The following AGPS variants were observed in gnomAD, a reference collection of about 807,000 sequenced individuals.
AGPS encodes alkylglycerone phosphate synthase.
A neutral mutation model predicts 90.7 loss-of-function variants in AGPS; 26 were observed. The observed-to-expected ratio is 0.29, with a 90% CI of 0.21 to 0.40. AGPS has a LOEUF of 0.40. Among genes scored for constraint, AGPS ranks in the 10% least tolerant of loss-of-function variants. The pLI is 1.00. For synonymous variants in AGPS, 294 were observed against 285.3 expected (o/e 1.03, Z -0.31); for missense variants, 540 against 816.1 (o/e 0.66, Z 4.12).
At chr2:177,438,324 C>T (rs547969436) in intron 5 of AGPS, among the ~76,000 whole-genome samples, 5 of 152,206 alleles carry the variant, frequency 3.3e-5, no homozygotes, top group African/African-American at 9.6e-5. Flanking sequence ...AGAATGATGA[C>T]GCAGGAGGAT....
chr2:177,419,285 C>T (rs376518147), intron 1 of AGPS, among the ~76,000 whole-genome samples: 10 of 151,818 alleles, frequency 6.6e-5, no homozygotes, highest in Admixed American at 2.6e-4. Context: ...CTTTCTAATG[C>T]GTGCATCTTT....
intron 8 of AGPS, among the ~76,000 whole-genome samples, chr2:177,448,642 T>G (rs1269132149): frequency 6.6e-6 from 1 of 152,182 alleles, no homozygotes; most frequent in African/African-American, 2.4e-5. Flanking sequence ...TTTGAAGTCA[T>G]AGATTTTTGT....
At chr2:177,489,013 TG>T (rs764854632) in intron 11 of AGPS, among the ~76,000 whole-genome samples, 7 of 152,190 alleles carry the variant, frequency 4.6e-5, no homozygotes, top group Non-Finnish European at 7.3e-5. Context: ...TTGCAAGTTC[TG>T]ATTTTTTCTG....
intron 1 of AGPS, chr2:177,393,270 G>A: frequency 1.0e-6 from 1 of 985,434 alleles, no homozygotes; most frequent in South Asian, 4.7e-5. Context: ...CACTATGTGA[G>A]GGTAACAGGC....
intron 3 of AGPS, among the ~76,000 whole-genome samples, chr2:177,436,444 C>T (rs1686415193): frequency 6.6e-6 from 1 of 152,064 alleles, no homozygotes; most frequent in African/African-American, 2.4e-5. Flanking sequence ...GCCACTGCAC[C>T]CGGCCAGAAA....
At chr2:177,424,497 G>A (rs1158524632) in intron 2 of AGPS, among the ~76,000 whole-genome samples, 1 of 151,678 alleles carries the variant, frequency 6.6e-6, no homozygotes. Context: ...GTATGCCTCT[G>A]AATAGTAATT....
intron 2 of AGPS, among the ~76,000 whole-genome samples, chr2:177,425,578 G>A (rs529072548): frequency 2.3e-5 from 3 of 131,824 alleles, no homozygotes; most frequent in South Asian, 2.5e-4. Flanking sequence ...CCAAGATCAC[G>A]CCATTGCACT....
At chr2:177,462,120 G>T (rs551281908) in intron 9 of AGPS, 102 bp downstream of exon 9, 1 of 1,007,550 alleles carries the variant, frequency 9.9e-7, no homozygotes, top group Non-Finnish European at 1.4e-6. Flanking sequence ...CCTGGGCGCG[G>T]TGGCCAATGC....
chr2:177,392,988 G>T lies in AGPS; in HGVS notation c.199G>T (p.Ala67Ser). Reference protein sequence around the residue: ...ECKARRAASAATAAPTATPAA... With the variant: ...ECKARRAASASTAAPTATPAA... ...CAAAGCGCGGAGAGCCGCGTCGGCG[G>T]CCACGGCAGCGCCCACGGCCACTCC... Residue 67 changes from alanine to serine, a missense_variant, in exon 1 of 20, where the codon GCC becomes TCC. This residue lies in a region of AGPS where 135 missense variants were observed against 124.0 expected (regional missense o/e 1.09). Transcript: ENST00000264167. The T allele has an allele frequency of 6.5e-7, 1 of 1,550,070 alleles. No individual in the cohort carries two copies. Among genetic ancestry groups the T allele is most frequent in the Non-Finnish European group, 8.7e-7 (1 of 1,146,636 alleles).
At chr2:177,445,934 T>C (rs1686756111) in intron 8 of AGPS, among the ~76,000 whole-genome samples, 1 of 152,162 alleles carries the variant, frequency 6.6e-6, no homozygotes, top group Non-Finnish European at 1.5e-5. Context: ...AAATGCAGGG[T>C]ATTATGGATC....
chr2:177,470,116 A>C (rs1044215564), intron 10 of AGPS, among the ~76,000 whole-genome samples: 2 of 152,106 alleles, frequency 1.3e-5, no homozygotes. Context: ...CTGCAGAGTG[A>C]CCATCATGTT....
intron 19 of AGPS, among the ~76,000 whole-genome samples, chr2:177,533,666 A>G (rs1457771704): frequency 1.3e-5 from 2 of 152,194 alleles, no homozygotes; most frequent in Non-Finnish European, 2.9e-5. Flanking sequence ...TTGTTACAGA[A>G]TACTTTTATA....
At chr2:177,482,212 C>A in intron 11 of AGPS, 26 bp downstream of exon 11, 1 of 1,153,982 alleles carries the variant, frequency 8.7e-7, no homozygotes, top group Non-Finnish European at 1.2e-6. Flanking sequence ...TATATATATA[C>A]ATACATACAT....
At chr2:177,430,507 C>T (rs1228545199) in intron 2 of AGPS, among the ~76,000 whole-genome samples, 2 of 152,048 alleles carry the variant, frequency 1.3e-5, no homozygotes, top group Admixed American at 1.3e-4. Context: ...GAGGGGATCT[C>T]CTGATCCACA....
chr2:177,437,736 A>G (rs1686457183), intron 5 of AGPS, among the ~76,000 whole-genome samples: 1 of 152,088 alleles, frequency 6.6e-6, no homozygotes, highest in Non-Finnish European at 1.5e-5. Context: ...TTCTCTTCAG[A>G]TCTTCCTTTT....
rs1472817361 is a variant in AGPS at position 177,538,293 on chromosome 2, T to A, written c.*98T>A. The A allele has an allele frequency of 7.7e-7, 1 of 1,304,590 alleles. No homozygotes were observed. Among genetic ancestry groups the A allele is most frequent in the Non-Finnish European group, 1.1e-6 (1 of 923,784 alleles). The allele number at this position is 1,304,590 out of a possible 1,614,324, so 80.8% of individuals were successfully genotyped here. On this transcript the variant is annotated 3_prime_UTR_variant, in exon 20 of 20. Coordinates refer to ENST00000264167, the MANE Select transcript of AGPS (RefSeq NM_003659.4). ...AATATATCATGGACTATATTTTGGA[T>A]ACATTTGTTTCTTTGGTTTAAAATA...
chr2:177,524,162 A>G (rs1052473741), intron 19 of AGPS, among the ~76,000 whole-genome samples: 3 of 152,220 alleles, frequency 2.0e-5, no homozygotes, highest in Non-Finnish European at 2.9e-5. Flanking sequence ...TTCAGCCACT[A>G]TCGGAATGTA....
intron 9 of AGPS, among the ~76,000 whole-genome samples, chr2:177,462,940 G>T (rs1057013336): frequency 6.6e-6 from 1 of 152,158 alleles, no homozygotes; most frequent in Non-Finnish European, 1.5e-5. Flanking sequence ...TCGTGGAAAT[G>T]AAGTCTTCAA....
At chr2:177,464,649 C>T (rs931798738) in intron 9 of AGPS, among the ~76,000 whole-genome samples, 1 of 152,218 alleles carries the variant, frequency 6.6e-6, no homozygotes, top group African/African-American at 2.4e-5. Context: ...ATCTCAAATA[C>T]TTCTCAATTT....
Sources: allele counts gnomAD v4.1 joint callset (sites outside exome capture counted in the v4.1 genomes callset), GRCh38; gene constraint gnomAD v4.1.1; regional missense constraint gnomAD v4.1.1; transcripts MANE v1.5; gene names NCBI Gene and HGNC (gene_info 2026-07-23, HGNC 2026-07-21).